CAMK4: variants seen among roughly 807,000 people sequenced by gnomAD.
CAMK4 encodes calcium/calmodulin-dependent protein kinase type IV.
A neutral mutation model predicts 44.9 loss-of-function variants in CAMK4; 22 were observed. That is an observed-to-expected ratio of 0.49 (90% CI 0.35 to 0.70). The LOEUF (loss-of-function observed/expected upper bound fraction) is 0.70, where lower values mean the gene tolerates loss of function less well. Among genes scored for constraint, CAMK4 ranks in the 30% least tolerant of loss-of-function variants. CAMK4 has a pLI of 0.01. For synonymous variants in CAMK4, 218 were observed against 215.4 expected (o/e 1.01, Z -0.11); for missense variants, 498 against 586.8 (o/e 0.85, Z 1.56).
intron 7 of CAMK4, among the ~76,000 whole-genome samples, chr5:111,461,710 C>T (rs1471592742): frequency 2.0e-5 from 3 of 150,306 alleles, no homozygotes; most frequent in East Asian, 3.9e-4. Context: ...CTCCCTCCTC[C>T]TTCCCAGAGG....
intron 5 of CAMK4, among the ~76,000 whole-genome samples, chr5:111,401,718 G>A (rs181423013): frequency 7.6e-4 from 115 of 152,294 alleles, no homozygotes; most frequent in African/African-American, 2.6e-3. Flanking sequence ...AGGCAAAAGA[G>A]GAACACTAAG....
rs1173372516 is a variant in CAMK4, at chr5:111,483,126, A to G, written c.981+189A>G. Among the ~76,000 whole-genome samples, 5 of 152,178 alleles carry G rather than the reference A, an allele frequency of 3.3e-5. No individual in the cohort carries two copies. In the East Asian group the frequency reaches 5.8e-4, roughly 18 times the overall value. On this transcript the variant is annotated intron_variant, in intron 10 of 10. Transcript: ENST00000282356. ...GCTACTTAAGTTTTCTTATACTCTC[A>G]TAAGGAATATATGATTAATAAAGGG...
At chr5:111,366,413 G>T (rs1750796582) in intron 2 of CAMK4, among the ~76,000 whole-genome samples, 1 of 152,078 alleles carries the variant, frequency 6.6e-6, no homozygotes, top group South Asian at 2.1e-4. Flanking sequence ...CCAGAGTCTG[G>T]ATATAGGCTA....
chr5:111,412,826 T>C (rs991467126), intron 5 of CAMK4, among the ~76,000 whole-genome samples: 2 of 152,176 alleles, frequency 1.3e-5, no homozygotes, highest in East Asian at 1.9e-4. Context: ...CCTCTTGCCA[T>C]GATAATAACC....
intron 7 of CAMK4, among the ~76,000 whole-genome samples, chr5:111,470,818 A>T (rs1317045260): frequency 6.6e-6 from 1 of 152,170 alleles, no homozygotes; most frequent in Non-Finnish European, 1.5e-5. Context: ...TGTGGTGGAG[A>T]AGGATTCTCT....
At chr5:111,309,743 CT>C (rs1401931180) in intron 1 of CAMK4, among the ~76,000 whole-genome samples, 1 of 152,116 alleles carries the variant, frequency 6.6e-6, no homozygotes, top group Non-Finnish European at 1.5e-5. Flanking sequence ...ACTAAAATGT[CT>C]GTTCTCTAAA....
At chr5:111,374,828 T>A (rs1487883173) in intron 2 of CAMK4, 22 bp from the exon 3 acceptor site, 2 of 1,517,336 alleles carry the variant, frequency 1.3e-6, no homozygotes, top group Admixed American at 3.4e-5. Flanking sequence ...TTTCAGTTTA[T>A]CTCTTTTATT....
intron 5 of CAMK4, among the ~76,000 whole-genome samples, chr5:111,400,895 C>T (rs557574764): frequency 6.6e-6 from 1 of 152,022 alleles, no homozygotes; most frequent in African/African-American, 2.4e-5. Flanking sequence ...GGGAATATTC[C>T]CTCTCCTCTG....
At chr5:111,439,265 G>C (rs564773686) in intron 5 of CAMK4, among the ~76,000 whole-genome samples, 1 of 152,128 alleles carries the variant, frequency 6.6e-6, no homozygotes, top group Non-Finnish European at 1.5e-5. Context: ...GTGGCAGTGC[G>C]AAGCAGGGAC....
At chr5:111,473,487 C>T (rs1472927519) in intron 8 of CAMK4, 101 bp downstream of exon 8, 2 of 763,112 alleles carry the variant, frequency 2.6e-6, no homozygotes, top group Non-Finnish European at 4.4e-6. Context: ...TACTTTTTGC[C>T]TTTTTGTGAT....
chr5:111,446,513 G>A (rs1224826965), intron 5 of CAMK4, among the ~76,000 whole-genome samples, 173 bp from the exon 6 acceptor site: 1 of 152,130 alleles, frequency 6.6e-6, no homozygotes, highest in Non-Finnish European at 1.5e-5. Flanking sequence ...TATTTATAAA[G>A]TATTATTTAA....
intron 7 of CAMK4, among the ~76,000 whole-genome samples, chr5:111,456,938 A>C (rs938667866): frequency 2.0e-5 from 3 of 152,216 alleles, no homozygotes; most frequent in African/African-American, 7.2e-5. Context: ...CAGTGATCAG[A>C]CACTGAATGA....
At chr5:111,355,035 C>T (rs1322916605) in intron 2 of CAMK4, among the ~76,000 whole-genome samples, 1 of 152,094 alleles carries the variant, frequency 6.6e-6, no homozygotes, top group Non-Finnish European at 1.5e-5. Context: ...CTTTTAACTT[C>T]TTACTGATGT....
At chr5:111,412,929 T>A (rs1752680835) in intron 5 of CAMK4, among the ~76,000 whole-genome samples, 1 of 152,212 alleles carries the variant, frequency 6.6e-6, no homozygotes, top group African/African-American at 2.4e-5. Flanking sequence ...AAAGTATGAC[T>A]GCAGAATTGC....
intron 1 of CAMK4, among the ~76,000 whole-genome samples, chr5:111,292,695 G>A (rs1221946519): frequency 1.3e-5 from 2 of 152,096 alleles, no homozygotes; most frequent in African/African-American, 4.8e-5. Context: ...GTTGGGGTGG[G>A]AGGATCACTT....
At chr5:111,358,453 AC>A (rs1194113063) in intron 2 of CAMK4, among the ~76,000 whole-genome samples, 2 of 151,936 alleles carry the variant, frequency 1.3e-5, no homozygotes, top group African/African-American at 4.8e-5. Context: ...ACTTATCTCT[AC>A]CCCAAAGTTG....
intron 3 of CAMK4, among the ~76,000 whole-genome samples, 176 bp downstream of exon 3, chr5:111,375,088 A>G (rs1284850242): frequency 6.6e-6 from 1 of 152,170 alleles, no homozygotes; most frequent in African/African-American, 2.4e-5. Context: ...AATAAGTCTT[A>G]CAAGTAATAC....
chr5:111,456,214 T>A (rs892325599), intron 7 of CAMK4, among the ~76,000 whole-genome samples: 1 of 151,902 alleles, frequency 6.6e-6, no homozygotes, highest in Non-Finnish European at 1.5e-5. Context: ...TAAAAAAAAA[T>A]TTCTCGGCCG....
chr5:111,330,332 G>A (rs1448651730), intron 1 of CAMK4, among the ~76,000 whole-genome samples: 1 of 151,554 alleles, frequency 6.6e-6, no homozygotes, highest in African/African-American at 2.4e-5. Flanking sequence ...AAATATTGCT[G>A]AGAAATAAAA....
Sources: gnomAD v4.1 joint callset for allele counts (sites outside exome capture counted in the v4.1 genomes callset) on GRCh38, gnomAD v4.1.1 for gene constraint, MANE v1.5 for transcripts, NCBI Gene and HGNC (gene_info 2026-07-23, HGNC 2026-07-21) for gene names.